The following RPS6KC1 variants were observed in gnomAD, a reference collection of about 807,000 sequenced individuals.
RPS6KC1 encodes inactive ribosomal protein S6 kinase delta-1.
RPS6KC1 carries 54 observed loss-of-function variants against 103.8 expected under a neutral mutation model. That is an observed-to-expected ratio of 0.52 (90% CI 0.42 to 0.65). The LOEUF (loss-of-function observed/expected upper bound fraction) is 0.65, where lower values mean the gene tolerates loss of function less well. RPS6KC1 is among the 30% of genes least tolerant of loss of function. RPS6KC1 has a pLI of 0.00. For synonymous variants in RPS6KC1, 439 were observed against 438.7 expected, an observed-to-expected ratio of 1.00 and a Z score of -0.01; for missense variants, 1,151 against 1,253.8, an observed-to-expected ratio of 0.92 and a Z score of 1.24.
At chr1:213,406,593 T>C in the RPS6KC1 span, among the ~76,000 whole-genome samples, 8 of 152,284 alleles carry the variant, frequency 5.3e-5, no homozygotes, top group Admixed American at 3.9e-4. Flanking sequence ...ACTGTTGGAT[T>C]AATCACTTCC....
the RPS6KC1 span, among the ~76,000 whole-genome samples, chr1:213,421,376 G>T: frequency 6.6e-6 from 1 of 152,230 alleles, no homozygotes. Context: ...GCCTCCCAAA[G>T]TGTGGGGATT....
At chr1:213,303,148 T>A in the RPS6KC1 span, among the ~76,000 whole-genome samples, 1 of 152,220 alleles carries the variant, frequency 6.6e-6, no homozygotes, top group South Asian at 2.1e-4. Flanking sequence ...ATTTGTGGAC[T>A]GGCTGACTGC....
chr1:213,405,548 C>A, the RPS6KC1 span, among the ~76,000 whole-genome samples: 1 of 152,284 alleles, frequency 6.6e-6, no homozygotes, highest in South Asian at 2.1e-4. Context: ...GCACTGAAAT[C>A]GACTCCTCAA....
chr1:213,151,159 C>T lies in RPS6KC1; in HGVS notation c.836-16699C>T, dbSNP rs1370813320. On this transcript the variant is annotated intron_variant, in intron 6 of 14. Coordinates refer to ENST00000366960, the MANE Select transcript of RPS6KC1 (RefSeq NM_012424.6). ...CTCCCTCCCGGATGGGGCGGCTGGC[C>T]GGGCGGGGGGCTGACCCCCCCACCT... 3.5e-3 allele frequency among the ~76,000 whole-genome samples: 420 copies of T among 118,924 alleles called. 4 individuals carry two copies. The highest frequency in any genetic ancestry group is 9.9e-3 in the African/African-American group (308 of 30,980). 78.0% of individuals were successfully genotyped at this position (118,924 alleles called of 152,430 possible). A position where few individuals can be genotyped will look rare whatever the true frequency, so the allele number is the denominator to read the frequency against.
At chr1:213,410,057 A>C in the RPS6KC1 span, among the ~76,000 whole-genome samples, 1 of 152,194 alleles carries the variant, frequency 6.6e-6, no homozygotes, top group Non-Finnish European at 1.5e-5. Context: ...TGGGAAGCTA[A>C]AGTGGAAGGA....
At chr1:213,377,577 T>A in the RPS6KC1 span, among the ~76,000 whole-genome samples, 1 of 152,254 alleles carries the variant, frequency 6.6e-6, no homozygotes, top group Non-Finnish European at 1.5e-5. Context: ...CTCCAACTGA[T>A]GTTTTATCAT....
intron 8 of RPS6KC1, among the ~76,000 whole-genome samples, chr1:213,209,695 CAAAAAAAAAA>C (rs60840755): frequency 7.4e-5 from 4 of 54,130 alleles, no homozygotes; most frequent in Non-Finnish European, 1.3e-4. Context: ...AACTCCGTCT[CAAAAAAAAAA>C]AAAAAAAAAA....
intron 8 of RPS6KC1, among the ~76,000 whole-genome samples, chr1:213,190,162 A>G (rs1245506308): frequency 6.6e-6 from 1 of 152,158 alleles, no homozygotes; most frequent in Admixed American, 6.5e-5. Context: ...TCTTTTGGGT[A>G]TATACCTAAG....
chr1:213,596,242 G>T, the RPS6KC1 span, among the ~76,000 whole-genome samples: 2 of 152,322 alleles, frequency 1.3e-5, no homozygotes, highest in Middle Eastern at 6.8e-3. Context: ...TCCCTCTTTG[G>T]TCATGCTCTG....
At chr1:213,106,632 C>G (rs1018973018) in intron 4 of RPS6KC1, among the ~76,000 whole-genome samples, 1 of 152,138 alleles carries the variant, frequency 6.6e-6, no homozygotes, top group Admixed American at 6.5e-5. Context: ...GTTTATTTTT[C>G]TCTTTAGAGA....
chr1:213,131,362 C>T (rs2085589333), intron 6 of RPS6KC1, among the ~76,000 whole-genome samples: 1 of 151,784 alleles, frequency 6.6e-6, no homozygotes, highest in Admixed American at 6.6e-5. Context: ...TAATTGATAC[C>T]TAATTTTGAA....
chr1:213,761,516 A>G, the RPS6KC1 span, among the ~76,000 whole-genome samples: 1 of 152,370 alleles, frequency 6.6e-6, no homozygotes, highest in East Asian at 1.9e-4. Flanking sequence ...TAAGACTTCC[A>G]TCATAATTGT....
chr1:213,414,095 T>C, the RPS6KC1 span, among the ~76,000 whole-genome samples: 1 of 152,292 alleles, frequency 6.6e-6, no homozygotes, highest in African/African-American at 2.4e-5. Flanking sequence ...ACTCTGATTT[T>C]GACAGGCCTG....
the RPS6KC1 span, among the ~76,000 whole-genome samples, chr1:213,822,771 C>A: frequency 6.6e-6 from 1 of 152,204 alleles, no homozygotes; most frequent in Non-Finnish European, 1.5e-5. Context: ...GTTCTTTTAG[C>A]TCTAACCTCA....
chr1:213,443,809 T>C, the RPS6KC1 span, among the ~76,000 whole-genome samples: 425 of 152,076 alleles, frequency 2.8e-3, 5 homozygotes, highest in African/African-American at 9.8e-3. Flanking sequence ...TCCCAGCTAC[T>C]GGGGAGGCTG....
the RPS6KC1 span, among the ~76,000 whole-genome samples, chr1:213,507,991 T>C: frequency 6.6e-6 from 1 of 152,218 alleles, no homozygotes; most frequent in East Asian, 1.9e-4. Flanking sequence ...AACTGTCAAT[T>C]GCTGAAACAA....
the RPS6KC1 span, among the ~76,000 whole-genome samples, chr1:213,327,149 T>C: frequency 6.6e-6 from 1 of 151,388 alleles, no homozygotes; most frequent in Non-Finnish European, 1.5e-5. Context: ...AATGGGAAGA[T>C]TGCACAAGCC....
chr1:213,433,192 A>G, the RPS6KC1 span, among the ~76,000 whole-genome samples: 2 of 152,274 alleles, frequency 1.3e-5, no homozygotes, highest in East Asian at 3.9e-4. Context: ...CTCTGTCTTC[A>G]AAGCCAGAAA....
intron 8 of RPS6KC1, chr1:213,205,436 G>A: frequency 4.3e-6 from 4 of 940,362 alleles, no homozygotes; most frequent in Non-Finnish European, 5.1e-6. Context: ...ATGGTGGGAA[G>A]TAGCCCTCTT....
Sources: allele counts gnomAD v4.1 joint callset (sites outside exome capture counted in the v4.1 genomes callset), GRCh38; gene constraint gnomAD v4.1.1; transcripts MANE v1.5; gene names NCBI Gene and HGNC (gene_info 2026-07-23, HGNC 2026-07-21).